AVEN: variants seen among roughly 807,000 people sequenced by gnomAD.
AVEN encodes apoptosis and caspase activation inhibitor, also known as cell death regulator Aven.
In AVEN, 41 loss-of-function variants were observed where a neutral mutation model predicts 38.1. The ratio of observed to expected loss-of-function variants is 1.08; its 90% CI spans 0.84 to 1.40. AVEN has a LOEUF of 1.40. Ranked by LOEUF, AVEN falls within the 40% of genes most tolerant of loss-of-function variation. The pLI is 0.00. For missense variants in AVEN, 605 were observed against 438.8 expected, an observed-to-expected ratio of 1.38 and a Z score of -3.38; for synonymous variants, 206 against 171.8, an observed-to-expected ratio of 1.20 and a Z score of -1.56.
At chr15:34,028,773 A>C (rs1017105566) in intron 1 of AVEN, among the ~76,000 whole-genome samples, 1 of 152,136 alleles carries the variant, frequency 6.6e-6, no homozygotes, top group African/African-American at 2.4e-5. Context: ...AGATTTTACA[A>C]CTAGCACATG....
chr15:33,952,936 T>C (rs1894809257), intron 2 of AVEN, among the ~76,000 whole-genome samples: 1 of 151,138 alleles, frequency 6.6e-6, no homozygotes, highest in Non-Finnish European at 1.5e-5. Flanking sequence ...AAAATAAGAC[T>C]TTTCGTCTCA....
chr15:33,992,397 AAG>A (rs1896766278), intron 2 of AVEN, among the ~76,000 whole-genome samples: 1 of 152,198 alleles, frequency 6.6e-6, no homozygotes. Context: ...CTCAAAAAAA[AAG>A]AAAAAAGAAA....
chr15:33,899,283 A>C (rs892337997), intron 2 of AVEN, among the ~76,000 whole-genome samples: 1 of 152,018 alleles, frequency 6.6e-6, no homozygotes, highest in South Asian at 2.1e-4. Flanking sequence ...CTGATGCTCA[A>C]ACTGAATTTT....
At chr15:33,963,761 C>A (rs1304947042) in intron 2 of AVEN, among the ~76,000 whole-genome samples, 2 of 131,490 alleles carry the variant, frequency 1.5e-5, no homozygotes. Flanking sequence ...CGCACCACTG[C>A]ATTCCAGCCT....
At chr15:33,989,252 C>A (rs1896614080) in intron 2 of AVEN, among the ~76,000 whole-genome samples, 1 of 151,994 alleles carries the variant, frequency 6.6e-6, no homozygotes. Context: ...TCATGACAGC[C>A]CCGTGTTAAT....
At chr15:34,064,326 A>G (rs1900454310) in intron 4 of AVEN, 1 of 1,603,972 alleles carries the variant, frequency 6.2e-7, no homozygotes, top group African/African-American at 1.3e-5. Context: ...AAAAGTCAAC[A>G]ACTCCTCTCG....
intron 2 of AVEN, among the ~76,000 whole-genome samples, chr15:33,931,821 C>T (rs984563247): frequency 6.6e-6 from 1 of 151,904 alleles, no homozygotes; most frequent in South Asian, 2.1e-4. Context: ...TAGAAAGATC[C>T]CTTTCTCACA....
At chr15:33,909,733 T>G (rs564849604) in intron 2 of AVEN, among the ~76,000 whole-genome samples, 3 of 152,344 alleles carry the variant, frequency 2.0e-5, no homozygotes, top group East Asian at 3.9e-4. Context: ...AATTTTGGAA[T>G]GGCTACAATT....
At chr15:33,926,012 T>C (rs1893592704) in intron 2 of AVEN, among the ~76,000 whole-genome samples, 1 of 152,208 alleles carries the variant, frequency 6.6e-6, no homozygotes, top group Admixed American at 6.5e-5. Flanking sequence ...GTGCTGTTTT[T>C]CCAAGACGCC....
chr15:33,896,248 T>C (rs759255813), intron 2 of AVEN, among the ~76,000 whole-genome samples: 44 of 152,102 alleles, frequency 2.9e-4, no homozygotes, highest in Admixed American at 7.2e-4. Context: ...AATGGCCCCC[T>C]AAAGAGGAGA....
intron 2 of AVEN, among the ~76,000 whole-genome samples, chr15:33,982,590 A>AT (rs1405118650): frequency 2.0e-5 from 3 of 152,142 alleles, no homozygotes; most frequent in Middle Eastern, 6.8e-3. Context: ...AGATTTTACA[A>AT]TTTTTTTTAA....
intron 2 of AVEN, among the ~76,000 whole-genome samples, chr15:33,877,672 T>C (rs1043254420): frequency 5.3e-5 from 8 of 152,002 alleles, no homozygotes; most frequent in Non-Finnish European, 7.4e-5. Context: ...AAAGTTAGAC[T>C]GGTCACGGTG....
Position 34,063,086 on chromosome 15 carries a change from G to C in AVEN, n.1473C>G. The C allele has an allele frequency of 6.2e-7, 1 of 1,614,168 alleles. No individual in the cohort carries two copies. The highest frequency in any genetic ancestry group is 8.5e-7 in the Non-Finnish European group (1 of 1,180,034). ...ACGCTTCTGTCATGAACCTTCTGGT[G>C]ATCAGTTTTGACCGTTACTTTTCCA... On this transcript the variant is annotated non_coding_transcript_exon_variant, in exon 5 of 12. Transcript: ENST00000675287. The surrounding 1 kb of genome is among the most constrained non-coding windows in gnomAD (Gnocchi z 4.1).
Position 34,008,582 on chromosome 15 carries a change from G to A in AVEN, c.268-5373C>T, listed in dbSNP as rs572682319. ...CGGCTCGCTGCAACCTCCGCCTCCC[G>A]GGTTCAAGTCATTCTTCTGCCTCAG... On this transcript the variant is annotated intron_variant, in intron 1 of 5. Coordinates refer to ENST00000306730, the MANE Select transcript of AVEN (RefSeq NM_020371.3). Among the ~76,000 whole-genome samples the A allele has an allele frequency of 3.4e-5, 5 of 147,878 alleles. No homozygotes were observed. The East Asian group carries it at 6.1e-4, about 18-fold the overall frequency.
At chr15:33,958,332 C>A (rs966221255) in intron 2 of AVEN, among the ~76,000 whole-genome samples, 4 of 152,194 alleles carry the variant, frequency 2.6e-5, no homozygotes, top group Non-Finnish European at 5.9e-5. Flanking sequence ...GCAGTCCCAG[C>A]CCTTTGGGAG....
chr15:33,945,646 C>T (rs1243030306), intron 2 of AVEN, among the ~76,000 whole-genome samples: 4 of 152,042 alleles, frequency 2.6e-5, no homozygotes, highest in African/African-American at 4.8e-5. Context: ...AGTGCAGTCG[C>T]GCAATCTCAG....
intron 2 of AVEN, among the ~76,000 whole-genome samples, chr15:33,905,969 T>C (rs115564283): frequency 0.016 from 2,424 of 152,322 alleles, 67 homozygotes; most frequent in African/African-American, 0.055. Context: ...CTTTCTTCTA[T>C]TTCTAGATTT....
At chr15:34,028,785 G>C (rs74007663) in intron 1 of AVEN, among the ~76,000 whole-genome samples, 12 of 151,916 alleles carry the variant, frequency 7.9e-5, no homozygotes, top group Admixed American at 7.2e-4. Context: ...TAGCACATGG[G>C]GGGTGAGAAG....
At chr15:33,895,652 G>A (rs1034592681) in intron 2 of AVEN, among the ~76,000 whole-genome samples, 9 of 151,938 alleles carry the variant, frequency 5.9e-5, no homozygotes, top group African/African-American at 1.9e-4. Context: ...TAACTGAATC[G>A]CTGCAGTTGT....
Sources: allele counts gnomAD v4.1 joint callset (sites outside exome capture counted in the v4.1 genomes callset), GRCh38; gene constraint gnomAD v4.1.1; non-coding constraint Gnocchi (gnomAD v3.1); transcripts MANE v1.5; gene names NCBI Gene and HGNC (gene_info 2026-07-23, HGNC 2026-07-21).